The following FUT8 variants were observed in gnomAD, a reference collection of about 807,000 sequenced individuals.
The protein encoded by FUT8 is alpha-(1,6)-fucosyltransferase.
In FUT8, 29 loss-of-function variants were observed where a neutral mutation model predicts 71.3. That is an observed-to-expected ratio of 0.41 (90% CI 0.30 to 0.55). FUT8 has a LOEUF of 0.55. Ranked by LOEUF, FUT8 falls within the 20% of genes least tolerant of loss-of-function variation. The pLI is 0.34. For missense variants in FUT8, 544 were observed against 702.1 expected (o/e 0.77, Z 2.55); for synonymous variants, 254 against 239.3 (o/e 1.06, Z -0.57).
chr14:65,624,645 C>T (rs1469774211), intron 5 of FUT8, among the ~76,000 whole-genome samples: 4 of 152,220 alleles, frequency 2.6e-5, no homozygotes, highest in African/African-American at 2.4e-5. Flanking sequence ...CATTCGTGCA[C>T]CCATGTGCAT....
chr14:65,635,871 C>A (rs1174360472), intron 6 of FUT8, among the ~76,000 whole-genome samples: 1 of 152,096 alleles, frequency 6.6e-6, no homozygotes, highest in Non-Finnish European at 1.5e-5. Context: ...GGGAGGGTTC[C>A]CTCTTTCTCT....
intron 5 of FUT8, among the ~76,000 whole-genome samples, chr14:65,625,268 T>A (rs1889838135): frequency 6.6e-6 from 1 of 151,968 alleles, no homozygotes; most frequent in South Asian, 2.1e-4. Flanking sequence ...TTAAATGAAG[T>A]TTTAGCCGAG....
chr14:65,633,793 C>T (rs945806796), intron 6 of FUT8, among the ~76,000 whole-genome samples: 3 of 151,762 alleles, frequency 2.0e-5, no homozygotes, highest in African/African-American at 2.4e-5. Flanking sequence ...GCAGCCACCC[C>T]GTCTGAGAAG....
intron 1 of FUT8, among the ~76,000 whole-genome samples, chr14:65,444,924 G>A (rs1426349139): frequency 6.6e-6 from 1 of 151,730 alleles, no homozygotes; most frequent in Non-Finnish European, 1.5e-5. Context: ...AAGGGCTTGC[G>A]GCCGGGCATG....
chr14:65,505,720 G>A (rs1030394182), intron 2 of FUT8, among the ~76,000 whole-genome samples: 1 of 152,014 alleles, frequency 6.6e-6, no homozygotes, highest in African/African-American at 2.4e-5. Context: ...AGTATTTTCT[G>A]TCTTTCACAA....
rs115322927 is a variant in FUT8, at chr14:65,469,821, C to T, written c.-228+14103C>T. On this transcript the variant is annotated intron_variant, in intron 2 of 10. Coordinates refer to ENST00000673929, the MANE Select transcript of FUT8 (RefSeq NM_001371533.1). ...GCCTCTGCCCTGCTCTGGCTGATCT[C>T]GGGGCTTTTATGGACCTCAGTGGGG... Among the ~76,000 whole-genome samples the T allele has an allele frequency of 6.5e-3, 988 of 152,310 alleles. 18 individuals carry two copies. Among genetic ancestry groups the T allele is most frequent in the African/African-American group, 0.022 (915 of 41,560 alleles).
chr14:65,727,039 G>A (rs1019701919), intron 9 of FUT8, among the ~76,000 whole-genome samples: 41 of 152,236 alleles, frequency 2.7e-4, no homozygotes, highest in African/African-American at 9.9e-4. Context: ...AGTGATGCAA[G>A]AGGTGAGCTC....
intron 7 of FUT8, among the ~76,000 whole-genome samples, chr14:65,672,089 A>G (rs1892502140): frequency 6.6e-6 from 1 of 152,216 alleles, no homozygotes; most frequent in South Asian, 2.1e-4. Context: ...TAGCTATATC[A>G]TACCTTATTA....
At chr14:65,547,539 A>AC (rs1194439133) in intron 2 of FUT8, among the ~76,000 whole-genome samples, 2 of 151,734 alleles carry the variant, frequency 1.3e-5, no homozygotes, top group Non-Finnish European at 3.0e-5. Context: ...ATTTGTATTT[A>AC]CCCATATATT....
At chr14:65,474,078 G>T (rs887785416) in intron 2 of FUT8, among the ~76,000 whole-genome samples, 4 of 152,132 alleles carry the variant, frequency 2.6e-5, no homozygotes, top group Admixed American at 6.5e-5. Context: ...TCTCACAAGC[G>T]GGAGCTAAGT....
the FUT8 span, among the ~76,000 whole-genome samples, chr14:65,365,860 CAG>C: frequency 2.0e-5 from 3 of 151,204 alleles, no homozygotes; most frequent in Non-Finnish European, 4.4e-5. Context: ...TTTTTTGAGA[CAG>C]AGTCTTGTTC....
chr14:65,617,037 C>G, intron 5 of FUT8: 1 of 1,546,830 alleles, frequency 6.5e-7, no homozygotes, highest in Non-Finnish European at 8.7e-7. Flanking sequence ...ATTATAAATA[C>G]AGTGAAACCT....
At chr14:65,420,454 G>C (rs2065276444) in intron 1 of FUT8, among the ~76,000 whole-genome samples, 1 of 151,990 alleles carries the variant, frequency 6.6e-6, no homozygotes, top group Non-Finnish European at 1.5e-5. Context: ...CAGAGGCTTA[G>C]AGTAGTACAG....
At chr14:65,659,860 T>G (rs1009567976) in intron 6 of FUT8, among the ~76,000 whole-genome samples, 1 of 152,158 alleles carries the variant, frequency 6.6e-6, no homozygotes, top group African/African-American at 2.4e-5. Context: ...TCAACTAAAA[T>G]GATGACGGAG....
chr14:65,643,702 A>ACACACACACC lies in FUT8; in HGVS notation c.597+14105_597+14106insCCACACACAC, dbSNP rs1890973464. Among the ~76,000 whole-genome samples, 1 of 148,572 alleles carries ACACACACACC rather than the reference A, an allele frequency of 6.7e-6. No homozygotes were observed. The highest frequency in any genetic ancestry group is 1.9e-4 in the East Asian group (1 of 5,154). The stretch of plus-strand genomic sequence containing the variant: ...CACACACACACACACACACACACAC[A>ACACACACACC]CACACACACACACCAGATTCCATTC... On this transcript the variant is annotated intron_variant, in intron 6 of 10. Transcript: ENST00000673929. This position sits in a 1 kb window ranked among gnomAD's most constrained non-coding sequence, Gnocchi z 4.5.
intron 2 of FUT8, among the ~76,000 whole-genome samples, chr14:65,533,194 G>T (rs185912465): frequency 6.6e-6 from 1 of 152,016 alleles, no homozygotes; most frequent in Non-Finnish European, 1.5e-5. Flanking sequence ...GTAAAATGTC[G>T]TTCGTAGTTT....
At chr14:65,546,703 G>T (rs1389466179) in intron 2 of FUT8, among the ~76,000 whole-genome samples, 2 of 151,666 alleles carry the variant, frequency 1.3e-5, no homozygotes, top group South Asian at 4.2e-4. Context: ...GAATTGTTGA[G>T]GTATACGGTA....
intron 1 of FUT8, among the ~76,000 whole-genome samples, chr14:65,439,954 G>GTGTGTATATATATATATATATA: frequency 2.8e-4 from 21 of 74,968 alleles, no homozygotes; most frequent in East Asian, 1.2e-3. Context: ...GTGTGTGTGT[G>GTGTGTATATATATATATATATA]TATATATATA....
rs1390940492 is a variant in FUT8, at chr14:65,669,005, A to G, written c.598-238A>G. ...AGTACATATAGACACAAATAAGAGAATAGTAGACACTGGGGCCTACTTGAG... is the reference window on the plus strand; with the variant it reads ...AGTACATATAGACACAAATAAGAGAGTAGTAGACACTGGGGCCTACTTGAG... On this transcript the variant is annotated intron_variant, in intron 6 of 10. Coordinates refer to ENST00000673929, the MANE Select transcript of FUT8 (RefSeq NM_001371533.1). This position sits in a 1 kb window ranked among gnomAD's most constrained non-coding sequence, Gnocchi z 4.5. Among the ~76,000 whole-genome samples the G allele has an allele frequency of 1.3e-5, 2 of 152,104 alleles. No homozygotes were observed. The highest frequency in any genetic ancestry group is 2.9e-5 in the Non-Finnish European group (2 of 68,008).
Sources: allele counts gnomAD v4.1 joint callset (sites outside exome capture counted in the v4.1 genomes callset), GRCh38; gene constraint gnomAD v4.1.1; non-coding constraint Gnocchi (gnomAD v3.1); transcripts MANE v1.5; gene names NCBI Gene and HGNC (gene_info 2026-07-23, HGNC 2026-07-21).